CD44: variants seen among roughly 807,000 people sequenced by gnomAD.
CD44 encodes CD44 molecule (IN blood group).
CD44 carries 49 observed loss-of-function variants against 88.8 expected under a neutral mutation model. The ratio of observed to expected loss-of-function variants is 0.55; its 90% CI spans 0.44 to 0.70. CD44 has a LOEUF of 0.70. Among genes scored for constraint, CD44 ranks in the 30% least tolerant of loss-of-function variants. The pLI is 0.00. For missense variants in CD44, 883 were observed against 913.8 expected, an observed-to-expected ratio of 0.97 and a Z score of 0.43; for synonymous variants, 325 against 312.3, an observed-to-expected ratio of 1.04 and a Z score of -0.43.
At position 35,231,569 on chromosome 11, in the gene CD44, AG is replaced by A. The variant is rs1218311540; in HGVS notation, c.*2239del. The A allele has an allele frequency of 3.9e-5, 6 of 152,198 alleles. No homozygotes were observed. The highest frequency in any genetic ancestry group is 1.4e-4 in the African/African-American group (6 of 41,444). The allele number at this position is 152,198 out of a possible 1,614,324, so 9.4% of individuals were successfully genotyped here. A position where few individuals can be genotyped will look rare whatever the true frequency, so the allele number is the denominator to read the frequency against. ...TACCTCTGTTTTCACGATAGAAATA[AG>A]GGAGGTCTAGAGCTTCTATTCCTTG... is the stretch of plus-strand genomic sequence containing the variant. On this transcript the variant is annotated 3_prime_UTR_variant, in exon 18 of 18. Coordinates refer to ENST00000428726, the MANE Select transcript of CD44 (RefSeq NM_000610.4).
At chr11:35,204,907 G>C (rs1399829419) in intron 10 of CD44, 2 of 351,974 alleles carry the variant, frequency 5.7e-6, no homozygotes, top group African/African-American at 4.2e-5. Flanking sequence ...ATCGAGTTTT[G>C]GGCATCATCT....
At chr11:35,201,549 G>C (rs1172357319) in intron 8 of CD44, 122 bp from the exon 9 acceptor site, 1 of 1,215,678 alleles carries the variant, frequency 8.2e-7, no homozygotes, top group Non-Finnish European at 1.1e-6. Context: ...TTTTGAGAGT[G>C]GATGCTCAGA....
Position 35,217,793 on chromosome 11 carries a change from T to C in CD44, c.1874-1523T>C, listed in dbSNP as rs114674928. Among the ~76,000 whole-genome samples the C allele has an allele frequency of 4.2e-3, 641 of 152,244 alleles. 3 individuals carry two copies. The highest frequency in any genetic ancestry group is 0.015 in the African/African-American group (623 of 41,558). On this transcript the variant is annotated intron_variant, in intron 15 of 17. Transcript: ENST00000428726. Reference sequence around the variant, plus strand: ...TCAGGATTCTACAGTGGGCTTCCATTTGGTAGGAAAAAAAAAGTTCATTTT... The same window carrying C: ...TCAGGATTCTACAGTGGGCTTCCATCTGGTAGGAAAAAAAAAGTTCATTTT...
intron 1 of CD44, among the ~76,000 whole-genome samples, chr11:35,174,174 A>C (rs780989251): frequency 1.3e-5 from 2 of 152,214 alleles, no homozygotes; most frequent in Non-Finnish European, 2.9e-5. Context: ...AGGAGACTAT[A>C]GGCTCTAGAT....
chr11:35,165,457 C>A (rs79870637), intron 1 of CD44, among the ~76,000 whole-genome samples: 2,790 of 152,270 alleles, frequency 0.018, 102 homozygotes, highest in African/African-American at 0.064. Context: ...ACCCTCTGGG[C>A]CTCACAGGCT....
intron 1 of CD44, 59 bp downstream of exon 1, chr11:35,139,429 G>T: frequency 2.7e-6 from 4 of 1,463,856 alleles, no homozygotes; most frequent in Non-Finnish European, 2.8e-6. Context: ...GCGCGGACCC[G>T]GCGGCAGCCC....
At chr11:35,181,524 G>T (rs747452685) in intron 3 of CD44, among the ~76,000 whole-genome samples, 1 of 151,398 alleles carries the variant, frequency 6.6e-6, no homozygotes, top group Non-Finnish European at 1.5e-5. Flanking sequence ...GAAGTTGGGT[G>T]AAGGGAAAGA....
intron 11 of CD44, among the ~76,000 whole-genome samples, chr11:35,206,714 C>T (rs1354444362): frequency 6.8e-6 from 1 of 146,252 alleles, no homozygotes; most frequent in Non-Finnish European, 1.5e-5. Flanking sequence ...TAAGGAGAAA[C>T]GTGAAGGAAG....
chr11:35,173,955 G>A (rs1246658672), intron 1 of CD44, among the ~76,000 whole-genome samples: 1 of 152,224 alleles, frequency 6.6e-6, no homozygotes, highest in Admixed American at 6.5e-5. Context: ...TGCCACTTAA[G>A]AGCTGGGTGA....
intron 4 of CD44, among the ~76,000 whole-genome samples, chr11:35,188,756 G>A (rs906259736): frequency 5.9e-5 from 9 of 151,972 alleles, no homozygotes; most frequent in African/African-American, 2.2e-4. Flanking sequence ...TGGCCAACAC[G>A]GTAAAACCCC....
At chr11:35,173,150 C>G (rs575383791) in intron 1 of CD44, among the ~76,000 whole-genome samples, 3 of 152,210 alleles carry the variant, frequency 2.0e-5, no homozygotes, top group Non-Finnish European at 1.5e-5. Context: ...ATTGTCCATG[C>G]CTCAGAGTTG....
At chr11:35,163,663 T>C (rs1206338866) in intron 1 of CD44, among the ~76,000 whole-genome samples, 1 of 152,188 alleles carries the variant, frequency 6.6e-6, no homozygotes, top group African/African-American at 2.4e-5. Flanking sequence ...TATGAAATTC[T>C]CCCTGTCTTC....
At position 35,229,316 on chromosome 11, in the gene CD44, A is replaced by G. The variant is rs758874926; in HGVS notation, c.2212A>G (p.Met738Val). 4 of 1,612,442 alleles carry G rather than the reference A, an allele frequency of 2.5e-6. No individual in the cohort carries two copies. The highest frequency in any genetic ancestry group is 1.7e-5 in the Admixed American group (1 of 60,018). Residue 738 changes from methionine (M) to valine (V), a missense_variant, in exon 18 of 18, where the codon ATG (methionine) becomes GTG (valine). By Grantham distance (21) the Met-to-Val change is conservative (BLOSUM62 1). Coordinates refer to ENST00000428726, the MANE Select transcript of CD44 (RefSeq NM_000610.4). ...GACAAGGAACCTGCAGAATGTGGAC[A>G]TGAAGATTGGGGTGTAACACCTACA... is the stretch of plus-strand genomic sequence containing the variant. The part of the protein sequence containing the change: ...DETRNLQNVD[M>V]KIGV
intron 12 of CD44, 106 bp from the exon 13 acceptor site, chr11:35,209,859 C>A: frequency 1.4e-6 from 1 of 691,320 alleles, no homozygotes; most frequent in Non-Finnish European, 2.5e-6. Context: ...TCTTCCTATG[C>A]ACCTATCCAT....
intron 5 of CD44, chr11:35,190,326 G>A: frequency 1.9e-6 from 1 of 534,096 alleles, no homozygotes; most frequent in East Asian, 3.1e-5. Context: ...TTATTTTGGG[G>A]AGAGCCCTCC....
intron 3 of CD44, among the ~76,000 whole-genome samples, chr11:35,183,628 G>A (rs1480715118): frequency 2.0e-5 from 3 of 152,160 alleles, no homozygotes; most frequent in African/African-American, 7.2e-5. Flanking sequence ...AGTTTTAGCA[G>A]TATTTTTAGA....
intron 16 of CD44, among the ~76,000 whole-genome samples, chr11:35,220,418 C>T (rs1949196996): frequency 6.6e-6 from 1 of 152,174 alleles, no homozygotes; most frequent in Non-Finnish European, 1.5e-5. Context: ...TCATCTAAAC[C>T]AGGAAAAGGT....
At position 35,139,314 on chromosome 11, in the gene CD44, T is replaced by A; in HGVS notation, c.11T>A (p.Phe4Tyr). The A allele has an allele frequency of 6.4e-7, 1 of 1,561,624 alleles. No individual in the cohort carries two copies. The highest frequency in any genetic ancestry group is 1.4e-5 in the African/African-American group (1 of 73,882). ...TTCGCTCCGGACACCATGGACAAGT[T>A]TTGGTGGCACGCAGCCTGGGGACTC... Reference protein sequence around the residue: MDKFWWHAAWGLCL... With the variant: MDKYWWHAAWGLCL... Residue 4 changes from phenylalanine to tyrosine, a missense_variant, in exon 1 of 18, where the codon TTT becomes TAT. This residue lies in a region of CD44 where 252 missense variants were observed against 322.9 expected (regional missense o/e 0.78). Transcript: ENST00000428726.
intron 1 of CD44, among the ~76,000 whole-genome samples, chr11:35,140,435 C>G (rs1177374792): frequency 6.6e-6 from 1 of 152,216 alleles, no homozygotes. Context: ...AAATTCTACT[C>G]AGCAAATATT....
Sources: gnomAD v4.1 joint callset for allele counts (sites outside exome capture counted in the v4.1 genomes callset) on GRCh38, gnomAD v4.1.1 for gene constraint, gnomAD v4.1.1 regional missense constraint, MANE v1.5 for transcripts, NCBI Gene and HGNC (gene_info 2026-07-23, HGNC 2026-07-21) for gene names.